USP47: variants seen among roughly 807,000 people sequenced by gnomAD.
The protein encoded by USP47 is ubiquitin specific peptidase 47.
In USP47, 35 loss-of-function variants were observed where a neutral mutation model predicts 165.1. The observed-to-expected ratio is 0.21, with a 90% CI of 0.16 to 0.28. The LOEUF (loss-of-function observed/expected upper bound fraction) is 0.28, where lower values mean the gene tolerates loss of function less well. Among genes scored for constraint, USP47 ranks in the 10% least tolerant of loss-of-function variants. USP47 has a pLI of 1.00. For missense variants in USP47, 1,277 were observed against 1,607.4 expected (o/e 0.79, Z 3.52); for synonymous variants, 531 against 544.5 (o/e 0.98, Z 0.35).
chr11:11,889,477 A>G (rs560028513), intron 3 of USP47, among the ~76,000 whole-genome samples: 1 of 152,252 alleles, frequency 6.6e-6, no homozygotes, highest in African/African-American at 2.4e-5. Context: ...ACAGAAAGAA[A>G]ATACCCAGGA....
intron 11 of USP47, among the ~76,000 whole-genome samples, chr11:11,926,875 G>A (rs1383069689): frequency 6.7e-6 from 1 of 148,304 alleles, no homozygotes; most frequent in Admixed American, 6.7e-5. Flanking sequence ...CATTGCATAA[G>A]TTTTGGTATG....
At position 11,956,092 on chromosome 11, in the gene USP47, C is replaced by G; in HGVS notation, c.3985C>G (p.Arg1329Gly). ...CAGTCGACTCCAGAAGACTGGACATCGTGTAACATACTCACCTCGTAAAGA... is the reference window on the plus strand; with the variant it reads ...CAGTCGACTCCAGAAGACTGGACATGGTGTAACATACTCACCTCGTAAAGA... ...ESSRLQKTGH[R>G]VTYSPRKEKA... Residue 1329 changes from arginine (R) to glycine (G), a missense_variant, in exon 28 of 28, where the codon CGT becomes GGT. Arg to Gly is a moderately radical substitution (Grantham distance 125). Transcript: ENST00000527733. 7 of 1,612,086 alleles carry G rather than the reference C, an allele frequency of 4.3e-6. No homozygotes were observed. The highest frequency in any genetic ancestry group is 5.1e-6 in the Non-Finnish European group (6 of 1,179,368).
chr11:11,867,357 A>G (rs911165092), intron 1 of USP47, among the ~76,000 whole-genome samples: 3 of 152,144 alleles, frequency 2.0e-5, no homozygotes, highest in Non-Finnish European at 4.4e-5. Context: ...TCTTCAGGAT[A>G]GATATTAGGT....
At chr11:11,855,851 G>A (rs1205889943) in intron 1 of USP47, among the ~76,000 whole-genome samples, 2 of 152,136 alleles carry the variant, frequency 1.3e-5, no homozygotes, top group African/African-American at 4.8e-5. Flanking sequence ...GAGATTCAAA[G>A]ATGAATAAGG....
intron 1 of USP47, among the ~76,000 whole-genome samples, chr11:11,877,767 TTC>T (rs796503437): frequency 0.015 from 2,010 of 135,038 alleles, 42 homozygotes; most frequent in African/African-American, 0.051. Context: ...TGCATAGCCT[TTC>T]TCTCTCTCTC....
chr11:11,932,844 G>A (rs1008151913), intron 14 of USP47, among the ~76,000 whole-genome samples, 160 bp from the exon 15 acceptor site: 7 of 152,050 alleles, frequency 4.6e-5, no homozygotes, highest in African/African-American at 1.7e-4. Context: ...ACCCTTTTCT[G>A]GACGAAGCTT....
intron 11 of USP47, among the ~76,000 whole-genome samples, chr11:11,928,318 C>T (rs986020745): frequency 4.6e-5 from 7 of 151,848 alleles, no homozygotes; most frequent in Admixed American, 1.3e-4. Flanking sequence ...GAAACTTCCT[C>T]CCTATCACCA....
rs527937687 is a variant in USP47 at position 11,948,418 on chromosome 11, G to A, written c.3268-60G>A. 1.6e-5 allele frequency: 23 copies of A among 1,426,966 alleles called. No homozygotes were observed. The South Asian group carries it at 2.7e-4, about 17-fold the overall frequency. 88.4% of individuals were successfully genotyped at this position (1,426,966 alleles called of 1,614,324 possible). A position where few individuals can be genotyped will look rare whatever the true frequency, so the allele number is the denominator to read the frequency against. On this transcript the variant is annotated intron_variant, in intron 21 of 27. Coordinates refer to ENST00000527733, the MANE Select transcript of USP47 (RefSeq NM_001282659.2). ...ATTTTGGAAAGTTTAAAAATGGGAT[G>A]AGAATGGGTTGTTTATTCTGCTGAG...
chr11:11,930,099 A>C lies in USP47; in HGVS notation c.1574A>C (p.Tyr525Ser), dbSNP rs368134467. Residue 525 changes from tyrosine to serine, a missense_variant, in exon 13 of 28, where the codon TAT (tyrosine) becomes TCT (serine). By Grantham distance (144) the Tyr-to-Ser change is moderately radical (BLOSUM62 -2). This residue lies in a region of USP47 where 909 missense variants were observed against 1,068.1 expected (regional missense o/e 0.85). Transcript: ENST00000527733. Reference protein sequence around the residue: ...THGGSSGSRGYYSSAFASSTN... With the variant: ...THGGSSGSRGSYSSAFASSTN... ...GGTGGATCTTCAGGAAGCAGAGGAT[A>C]TTATTCTAGTGCTTTCGCAAGGTAA... is the stretch of plus-strand genomic sequence containing the variant. 1.9e-6 allele frequency: 3 copies of C among 1,613,098 alleles called. No individual in the cohort carries two copies. The highest frequency in any genetic ancestry group is 2.7e-5 in the African/African-American group (2 of 75,006).
At chr11:11,942,043 A>G (rs189562498) in intron 19 of USP47, among the ~76,000 whole-genome samples, 7 of 152,148 alleles carry the variant, frequency 4.6e-5, no homozygotes, top group Non-Finnish European at 1.0e-4. Flanking sequence ...AAAGAGAAGG[A>G]TATATAATAC....
Position 11,959,353 on chromosome 11 carries a change from C to A in USP47, c.*3178C>A, listed in dbSNP as rs796123944. Reference sequence around the variant, plus strand: ...ATTCTGTGTAATTTTTGAAAAACATCAACATTTTGGTCACTAGTAGTCAAA... The same window carrying A: ...ATTCTGTGTAATTTTTGAAAAACATAAACATTTTGGTCACTAGTAGTCAAA... On this transcript the variant is annotated 3_prime_UTR_variant, in exon 28 of 28. Transcript: ENST00000527733. 4 of 152,252 alleles carry A rather than the reference C, an allele frequency of 2.6e-5. No individual in the cohort carries two copies. Among genetic ancestry groups the A allele is most frequent in the African/African-American group, 9.6e-5 (4 of 41,534 alleles). The allele number at this position is 152,252 out of a possible 1,614,324, so 9.4% of individuals were successfully genotyped here. A position where few individuals can be genotyped will look rare whatever the true frequency, so the allele number is the denominator to read the frequency against.
chr11:11,856,931 A>G (rs1288989834), intron 1 of USP47: 1 of 152,220 alleles, frequency 6.6e-6, no homozygotes, highest in Non-Finnish European at 1.5e-5. Context: ...CTGCAAGCTA[A>G]AGGTGACACC....
chr11:11,888,582 C>T lies in USP47; in HGVS notation c.358-3386C>T, dbSNP rs1417528845. 3.9e-5 allele frequency among the ~76,000 whole-genome samples: 6 copies of T among 152,070 alleles called. No individual in the cohort carries two copies. In the East Asian group the frequency reaches 9.6e-4, roughly 24 times the overall value. On this transcript the variant is annotated intron_variant, in intron 3 of 27. Transcript: ENST00000527733. ...TATATAGCCTACCAATCAAAAAAAG[C>T]CCAGGACCAAACAGATTTACAGCTG...
intron 11 of USP47, among the ~76,000 whole-genome samples, chr11:11,926,514 G>C (rs532943425): frequency 2.2e-4 from 33 of 151,938 alleles, no homozygotes; most frequent in Non-Finnish European, 3.8e-4. Context: ...TGTGGCTTCA[G>C]TATAATGTCT....
chr11:11,887,317 C>T (rs1184590267), intron 3 of USP47, among the ~76,000 whole-genome samples: 1 of 152,106 alleles, frequency 6.6e-6, no homozygotes, highest in African/African-American at 2.4e-5. Flanking sequence ...CATCAGTATG[C>T]TGTCTTCAAG....
Position 11,956,309 on chromosome 11 carries a change from A to C in USP47, c.*134A>C. On this transcript the variant is annotated 3_prime_UTR_variant, in exon 28 of 28. Coordinates refer to ENST00000527733, the MANE Select transcript of USP47 (RefSeq NM_001282659.2). ...ACCAGCACTGATTGGACTGCCCTAC[A>C]CCAATCAGAAGCTCAGTGCCCAATG... is the stretch of plus-strand genomic sequence containing the variant. 1.2e-6 allele frequency: 1 copy of C among 825,798 alleles called. No individual in the cohort carries two copies. The highest frequency in any genetic ancestry group is 1.8e-6 in the Non-Finnish European group (1 of 541,810). 51.2% of individuals were successfully genotyped at this position (825,798 alleles called of 1,614,324 possible).
intron 1 of USP47, among the ~76,000 whole-genome samples, chr11:11,871,331 G>A (rs953428095): frequency 4.0e-5 from 6 of 151,458 alleles, no homozygotes; most frequent in East Asian, 3.9e-4. Context: ...GTGAAACCCC[G>A]TCTCTACTAA....
chr11:11,936,880 T>G (rs1855111168), intron 17 of USP47, among the ~76,000 whole-genome samples: 1 of 151,850 alleles, frequency 6.6e-6, no homozygotes, highest in Non-Finnish European at 1.5e-5. Context: ...GAGAAGACCT[T>G]GGTCCAAAAA....
intron 21 of USP47, 105 bp from the exon 22 acceptor site, chr11:11,948,373 G>T: frequency 1.0e-6 from 1 of 995,444 alleles, no homozygotes; most frequent in East Asian, 2.5e-5. Flanking sequence ...CCTGTTCTCA[G>T]AGAGCCTATA....
Sources: gnomAD v4.1 joint callset for allele counts (sites outside exome capture counted in the v4.1 genomes callset) on GRCh38, gnomAD v4.1.1 for gene constraint, gnomAD v4.1.1 regional missense constraint, MANE v1.5 for transcripts, NCBI Gene and HGNC (gene_info 2026-07-23, HGNC 2026-07-21) for gene names.